The following TAFA1 variants were observed in gnomAD, a reference collection of about 807,000 sequenced individuals.
The protein encoded by TAFA1 is TAFA chemokine like family member 1.
Under a neutral mutation model 18.5 loss-of-function variants are expected in TAFA1, and 4 were observed. The ratio of observed to expected loss-of-function variants is 0.22; its 90% confidence interval spans 0.11 to 0.49. The LOEUF is 0.49. Ranked by LOEUF, TAFA1 falls within the 20% of genes least tolerant of loss-of-function variation. The probability of loss-of-function intolerance (pLI) is 0.98; values close to 1 mark genes in which losing one functional copy is unlikely to be tolerated. For synonymous variants in TAFA1, 56 were observed against 55.2 expected (o/e 1.01, Z -0.06); for missense variants, 147 against 169.0 (o/e 0.87, Z 0.72).
At chr3:68,425,441 T>A (rs1489525532) in intron 3 of TAFA1, among the ~76,000 whole-genome samples, 1 of 151,966 alleles carries the variant, frequency 6.6e-6, no homozygotes. Flanking sequence ...ATTCGATTGT[T>A]CTTATTAGAA....
chr3:68,303,827 T>C (rs1323547649), intron 2 of TAFA1, among the ~76,000 whole-genome samples: 1 of 152,152 alleles, frequency 6.6e-6, no homozygotes, highest in Middle Eastern at 3.2e-3. Context: ...TGCTGACATG[T>C]ATTCGAAAAG....
chr3:68,232,981 T>G (rs149748946), intron 2 of TAFA1, among the ~76,000 whole-genome samples: 1,726 of 152,270 alleles, frequency 0.011, 31 homozygotes, highest in African/African-American at 0.04. Context: ...TAACAATATA[T>G]GAGTTCCCTT....
At chr3:68,161,588 T>G (rs560566763) in intron 2 of TAFA1, among the ~76,000 whole-genome samples, 19 of 152,344 alleles carry the variant, frequency 1.2e-4, no homozygotes, top group Admixed American at 1.2e-3. Context: ...TAATTCATTT[T>G]CAGCTTCAAA....
intron 3 of TAFA1, among the ~76,000 whole-genome samples, chr3:68,482,591 A>G (rs9836240): frequency 0.42 from 63,759 of 152,030 alleles, 13,962 homozygotes; most frequent in Non-Finnish European, 0.48. Context: ...GTTTTGCCAC[A>G]CAGCTTTCAT....
Position 68,422,669 on chromosome 3 carries a change from A to G in TAFA1, c.259+5249A>G, listed in dbSNP as rs2070977497. Among the ~76,000 whole-genome samples, 3 of 152,078 alleles carry G rather than the reference A, an allele frequency of 2.0e-5. No homozygotes were observed. In the South Asian group the frequency reaches 6.2e-4, roughly 31 times the overall value. On this transcript the variant is annotated intron_variant, in intron 3 of 4. Transcript: ENST00000478136. ...TATTTGGAGAAAATTTTAAGTGGTG[A>G]TCTTTTATTTCAAAAATGATATTCT...
intron 2 of TAFA1, among the ~76,000 whole-genome samples, chr3:68,046,857 C>A (rs1272710983): frequency 6.6e-6 from 1 of 152,084 alleles, no homozygotes; most frequent in East Asian, 1.9e-4. Flanking sequence ...TGTACTGTAT[C>A]TAAGATAAGG....
At chr3:68,349,872 G>C (rs189762741) in intron 2 of TAFA1, among the ~76,000 whole-genome samples, 12 of 152,038 alleles carry the variant, frequency 7.9e-5, no homozygotes, top group South Asian at 2.1e-4. Context: ...CTCTGGGTCC[G>C]TATTCACCAT....
intron 2 of TAFA1, among the ~76,000 whole-genome samples, chr3:68,266,674 A>G (rs2067552567): frequency 6.6e-6 from 1 of 152,118 alleles, no homozygotes. Context: ...GACACATAAT[A>G]AAGGATCCGG....
At chr3:68,327,869 A>G (rs988219932) in intron 2 of TAFA1, among the ~76,000 whole-genome samples, 3 of 152,208 alleles carry the variant, frequency 2.0e-5, no homozygotes, top group African/African-American at 7.2e-5. Flanking sequence ...CCATAATGAA[A>G]AAGATATGGA....
intron 3 of TAFA1, 191 bp downstream of exon 3, chr3:68,417,611 C>A (rs538532657): frequency 6.7e-6 from 4 of 596,148 alleles, no homozygotes; most frequent in East Asian, 3.0e-5. Context: ...AATGTTTTTT[C>A]CCCAAAAAAT....
At chr3:68,435,706 T>C (rs1268696307) in intron 3 of TAFA1, among the ~76,000 whole-genome samples, 1 of 152,168 alleles carries the variant, frequency 6.6e-6, no homozygotes, top group Non-Finnish European at 1.5e-5. Context: ...CAATAGGAAA[T>C]CTTGGCATCT....
intron 2 of TAFA1, among the ~76,000 whole-genome samples, chr3:68,285,034 G>A (rs114270321): frequency 0.033 from 5,002 of 152,232 alleles, 115 homozygotes; most frequent in South Asian, 0.06. Flanking sequence ...GCTGTAGTAA[G>A]CTATGATTGT....
At chr3:68,436,256 T>C (rs1288041193) in intron 3 of TAFA1, among the ~76,000 whole-genome samples, 1 of 152,208 alleles carries the variant, frequency 6.6e-6, no homozygotes, top group African/African-American at 2.4e-5. Context: ...TCAACTCTTA[T>C]GCCCTGCCCT....
intron 3 of TAFA1, among the ~76,000 whole-genome samples, chr3:68,512,360 T>C (rs2072860716): frequency 1.3e-5 from 2 of 152,182 alleles, no homozygotes; most frequent in Admixed American, 1.3e-4. Flanking sequence ...ATAATGAGCC[T>C]TTTAAAGTAA....
chr3:68,093,146 A>C (rs893602419), intron 2 of TAFA1, among the ~76,000 whole-genome samples: 1 of 152,124 alleles, frequency 6.6e-6, no homozygotes, highest in Non-Finnish European at 1.5e-5. Context: ...GTTGGAGGAA[A>C]GAATGCTGGA....
At chr3:68,313,113 G>GTT (rs2068548815) in intron 2 of TAFA1, among the ~76,000 whole-genome samples, 1 of 152,102 alleles carries the variant, frequency 6.6e-6, no homozygotes, top group Non-Finnish European at 1.5e-5. Context: ...TTTCCCACAT[G>GTT]GTCCTCCCAC....
At chr3:68,483,972 G>T (rs988105457) in intron 3 of TAFA1, among the ~76,000 whole-genome samples, 1 of 152,190 alleles carries the variant, frequency 6.6e-6, no homozygotes, top group Non-Finnish European at 1.5e-5. Context: ...AATCTGATAC[G>T]TACATTTTAC....
At chr3:68,414,663 G>A (rs924706329) in intron 2 of TAFA1, among the ~76,000 whole-genome samples, 2 of 152,154 alleles carry the variant, frequency 1.3e-5, no homozygotes, top group Non-Finnish European at 2.9e-5. Context: ...TCCAAGAGTA[G>A]CAGAGAACCA....
chr3:68,299,326 C>T (rs952333025), intron 2 of TAFA1, among the ~76,000 whole-genome samples: 1 of 152,204 alleles, frequency 6.6e-6, no homozygotes, highest in East Asian at 1.9e-4. Flanking sequence ...TGCCCCTGCT[C>T]TAGAGATCTG....
Sources: allele counts gnomAD v4.1 joint callset (sites outside exome capture counted in the v4.1 genomes callset), GRCh38; gene constraint gnomAD v4.1.1; transcripts MANE v1.5; gene names NCBI Gene and HGNC (gene_info 2026-07-23, HGNC 2026-07-21).